WDHD1: variants seen among roughly 807,000 people sequenced by gnomAD.
WDHD1 encodes the protein WD repeat and HMG-box DNA binding protein 1.
A neutral mutation model predicts 135.4 loss-of-function variants in WDHD1; 111 were observed. That is an observed-to-expected ratio of 0.82 (90% CI 0.70 to 0.96). The LOEUF (loss-of-function observed/expected upper bound fraction) is 0.96. WDHD1 is among the 40% of genes least tolerant of loss of function. WDHD1 has a pLI of 0.00. For missense variants in WDHD1, 1,351 were observed against 1,336.3 expected (o/e 1.01, Z -0.17); for synonymous variants, 434 against 439.0 (o/e 0.99, Z 0.14).
chr14:54,955,739 T>G, intron 23 of WDHD1, 45 bp from the exon 24 acceptor site: 2 of 1,377,504 alleles, frequency 1.5e-6, no homozygotes, highest in African/African-American at 3.0e-5. Context: ...TAGTATAATT[T>G]TATATGTTTT....
chr14:54,943,703 C>T (rs2140144315), intron 25 of WDHD1, among the ~76,000 whole-genome samples: 1 of 152,254 alleles, frequency 6.6e-6, no homozygotes, highest in South Asian at 2.1e-4. Context: ...CAGCTTGACA[C>T]TTTTGATTTT....
At position 54,972,553 on chromosome 14, in the gene WDHD1, C is replaced by CAAAAAA. The variant is rs71410642; in HGVS notation, c.2064-5165_2064-5160dup. 7.1e-4 allele frequency among the ~76,000 whole-genome samples: 18 copies of CAAAAAA among 25,498 alleles called. 2 individuals are homozygous for CAAAAAA. The highest frequency in any genetic ancestry group is 1.0e-3 in the Admixed American group (2 of 1,970). The allele number at this position is 25,498 out of a possible 152,430, so 16.7% of individuals were successfully genotyped here. Reference sequence around the variant, plus strand: ...CCTGGGCAATAAAGCAAGACTGTCACAAAAAAAAAAAAAAAAAAAAAAAAA... The same window carrying CAAAAAA: ...CCTGGGCAATAAAGCAAGACTGTCACAAAAAAAAAAAAAAAAAAAAAAAAAAAAAAA... On this transcript the variant is annotated intron_variant, in intron 16 of 25. Coordinates refer to ENST00000360586, the MANE Select transcript of WDHD1 (RefSeq NM_007086.4).
intron 12 of WDHD1, among the ~76,000 whole-genome samples, chr14:54,990,960 T>C (rs2041776262): frequency 6.6e-6 from 1 of 152,188 alleles, no homozygotes; most frequent in East Asian, 1.9e-4. Context: ...AAGATAGTAA[T>C]ATTTACTTAT....
At chr14:55,011,192 T>C (rs994923510) in intron 3 of WDHD1, among the ~76,000 whole-genome samples, 1 of 152,156 alleles carries the variant, frequency 6.6e-6, no homozygotes, top group African/African-American at 2.4e-5. Flanking sequence ...CTTCTTCATA[T>C]ACAAAGGCAG....
At chr14:54,972,043 C>T (rs868145023) in intron 16 of WDHD1, among the ~76,000 whole-genome samples, 1 of 150,916 alleles carries the variant, frequency 6.6e-6, no homozygotes, top group Non-Finnish European at 1.5e-5. Flanking sequence ...GAGGCCGAGG[C>T]GGGTGGATCA....
At chr14:55,011,413 G>T (rs1206385336) in intron 3 of WDHD1, among the ~76,000 whole-genome samples, 1 of 148,688 alleles carries the variant, frequency 6.7e-6, no homozygotes, top group African/African-American at 2.5e-5. Context: ...GCAGCCAGCT[G>T]TTTGGGAGGC....
chr14:55,013,418 T>C (rs2042206681), intron 3 of WDHD1, 67 bp downstream of exon 3: 1 of 1,088,852 alleles, frequency 9.2e-7, no homozygotes, highest in Admixed American at 1.9e-5. Context: ...AAAATATTTT[T>C]TCACTCAAGC....
At chr14:55,021,213 G>T (rs1000384183) in intron 2 of WDHD1, among the ~76,000 whole-genome samples, 1 of 152,110 alleles carries the variant, frequency 6.6e-6, no homozygotes, top group African/African-American at 2.4e-5. Context: ...AACATAGAAG[G>T]GTCTATGTTG....
chr14:54,995,817 G>A lies in WDHD1; in HGVS notation c.943-4C>T. Reference sequence around the variant, plus strand: ...CCTTTTCCACTCTGCTAGATACCTTGAACAAATTAATACAAATTATAAAGT... The same window carrying A: ...CCTTTTCCACTCTGCTAGATACCTTAAACAAATTAATACAAATTATAAAGT... On this transcript the variant is annotated splice_polypyrimidine_tract_variant and splice_region_variant and intron_variant, in intron 10 of 25. Coordinates refer to ENST00000360586, the MANE Select transcript of WDHD1 (RefSeq NM_007086.4). 1 of 1,528,910 alleles carries A rather than the reference G, an allele frequency of 6.5e-7. No individual in the cohort carries two copies. The highest frequency in any genetic ancestry group is 1.3e-5 in the South Asian group (1 of 76,632). The allele number at this position is 1,528,910 out of a possible 1,614,324, so 94.7% of individuals were successfully genotyped here.
At position 54,966,675 on chromosome 14, in the gene WDHD1, T is replaced by C. The variant is rs1774573530; in HGVS notation, c.2179-69A>G. 3.4e-6 allele frequency: 5 copies of C among 1,458,034 alleles called. No homozygotes were observed. The South Asian group carries it at 6.6e-5, about 19-fold the overall frequency. 90.3% of individuals were successfully genotyped at this position (1,458,034 alleles called of 1,614,324 possible). On this transcript the variant is annotated intron_variant, in intron 17 of 25. Transcript: ENST00000360586. ...ATATGAGGCAAGCGTTAAATATTTA[T>C]CTTAAGATACCAGTTTTTGAATAAA...
In WDHD1 at chr14:54,990,898, G is replaced by C. The variant is rs111535456; in HGVS notation, c.1341+315C>G. On this transcript the variant is annotated intron_variant, in intron 12 of 25. Transcript: ENST00000360586. Reference sequence around the variant, plus strand: ...TTTTGGAGTCAGTATAATCTTCTATGTAACAATGACCATGAAGAATAAGGT... The same window carrying C: ...TTTTGGAGTCAGTATAATCTTCTATCTAACAATGACCATGAAGAATAAGGT... Among the ~76,000 whole-genome samples the C allele has an allele frequency of 4.6e-3, 696 of 152,212 alleles. 6 individuals are homozygous for C. The highest frequency in any genetic ancestry group is 0.016 in the African/African-American group (654 of 41,536).
chr14:54,972,223 C>T (rs889766960), intron 16 of WDHD1, among the ~76,000 whole-genome samples: 2 of 145,004 alleles, frequency 1.4e-5, no homozygotes, highest in Non-Finnish European at 3.0e-5. Context: ...TGCGGTGAGC[C>T]GAGATCACAC....
At chr14:54,979,105 G>A (rs1026748873) in intron 16 of WDHD1, among the ~76,000 whole-genome samples, 2 of 151,880 alleles carry the variant, frequency 1.3e-5, no homozygotes, top group African/African-American at 4.8e-5. Context: ...TCCCTTCAAA[G>A]ACTTTTTATC....
chr14:55,018,993 A>C (rs2042302655), intron 2 of WDHD1, among the ~76,000 whole-genome samples: 1 of 152,244 alleles, frequency 6.6e-6, no homozygotes, highest in South Asian at 2.1e-4. Context: ...ATTGCACTCC[A>C]GCCTGGGCAA....
chr14:54,940,047 T>C lies in WDHD1; in HGVS notation c.*1443A>G, dbSNP rs1424824211. 4 of 152,288 alleles carry C rather than the reference T, an allele frequency of 2.6e-5. No individual in the cohort carries two copies. In the South Asian group the frequency reaches 8.3e-4, roughly 32 times the overall value. The allele number at this position is 152,288 out of a possible 1,614,324, so 9.4% of individuals were successfully genotyped here. ...AATCAAACCTAATGACAAAGCAAGA[T>C]GAAATAACCAACAGCATCATCATTA... On this transcript the variant is annotated 3_prime_UTR_variant, in exon 26 of 26. Transcript: ENST00000360586.
At chr14:55,000,461 A>G in intron 10 of WDHD1, 42 bp downstream of exon 10, 1 of 1,528,130 alleles carries the variant, frequency 6.5e-7, no homozygotes, top group Non-Finnish European at 8.8e-7. Flanking sequence ...ATATGATCAC[A>G]GAAACATTTT....
chr14:54,952,548 G>A (rs555551107), intron 24 of WDHD1, among the ~76,000 whole-genome samples: 2 of 152,316 alleles, frequency 1.3e-5, no homozygotes, highest in East Asian at 3.9e-4. Context: ...AATCACTATC[G>A]TGAAAACGGC....
chr14:54,984,074 T>A (rs940091671), intron 15 of WDHD1, among the ~76,000 whole-genome samples: 1 of 152,256 alleles, frequency 6.6e-6, no homozygotes, highest in Non-Finnish European at 1.5e-5. Flanking sequence ...TAGAAAATTC[T>A]AAGTTTTCTG....
In WDHD1 at chr14:54,962,836, G is replaced by A. The variant is rs1432783571; in HGVS notation, c.2549C>T (p.Thr850Ile). 1.2e-6 allele frequency: 2 copies of A among 1,612,628 alleles called. No homozygotes were observed. The highest frequency in any genetic ancestry group is 1.3e-5 in the African/African-American group (1 of 75,034). Reference protein sequence around the residue: ...KLNAGYSNTATEWSQPRFRNQ... With the variant: ...KLNAGYSNTAIEWSQPRFRNQ... Reference sequence around the variant, plus strand: ...TCTGAACCTTGGTTGGCTCCACTCTGTAGCAGTATTGCTGTAACTAAGAGA... The same window carrying A: ...TCTGAACCTTGGTTGGCTCCACTCTATAGCAGTATTGCTGTAACTAAGAGA... Residue 850 changes from threonine (T) to isoleucine (I), a missense_variant, in exon 20 of 26, where the codon ACA (threonine) becomes ATA (isoleucine). Transcript: ENST00000360586.
Sources: allele counts gnomAD v4.1 joint callset (sites outside exome capture counted in the v4.1 genomes callset), GRCh38; gene constraint gnomAD v4.1.1; transcripts MANE v1.5; gene names NCBI Gene and HGNC (gene_info 2026-07-23, HGNC 2026-07-21).